Variants in COL24A1 observed in about 807,000 individuals in gnomAD.
COL24A1 encodes collagen type XXIV alpha 1 chain.
COL24A1 carries 224 observed loss-of-function variants against 253.9 expected under a neutral mutation model. The ratio of observed to expected loss-of-function variants is 0.88; its 90% CI spans 0.79 to 0.99. The LOEUF (loss-of-function observed/expected upper bound fraction) is 0.99. Among genes scored for constraint, COL24A1 ranks in the 50% least tolerant of loss-of-function variants. The probability of loss-of-function intolerance (pLI) is 0.00; values close to 1 mark genes in which losing one functional copy is unlikely to be tolerated. For missense variants in COL24A1, 2,131 were observed against 2,068.5 expected, an observed-to-expected ratio of 1.03 and a Z score of -0.59; for synonymous variants, 685 against 673.7, an observed-to-expected ratio of 1.02 and a Z score of -0.26.
At chr1:85,876,302 T>G (rs12739620) in intron 33 of COL24A1, among the ~76,000 whole-genome samples, 32,095 of 151,200 alleles carry the variant, frequency 0.21, 3,743 homozygotes, top group Non-Finnish European at 0.24. Context: ...TTTGAGAGGA[T>G]TAGGTAGAAG....
At chr1:86,008,922 A>C (rs1696237366) in intron 19 of COL24A1, among the ~76,000 whole-genome samples, 2 of 152,084 alleles carry the variant, frequency 1.3e-5, no homozygotes, top group Non-Finnish European at 2.9e-5. Flanking sequence ...TTAAGAAAAA[A>C]ATTTAACAAA....
At chr1:86,018,764 A>C (rs1237147974) in intron 18 of COL24A1, among the ~76,000 whole-genome samples, 2 of 152,208 alleles carry the variant, frequency 1.3e-5, no homozygotes, top group Non-Finnish European at 2.9e-5. Flanking sequence ...TACAAATGAC[A>C]AAAATCCCTA....
intron 20 of COL24A1, among the ~76,000 whole-genome samples, chr1:85,986,614 A>T (rs1339056065): frequency 6.6e-6 from 1 of 151,908 alleles, no homozygotes; most frequent in African/African-American, 2.4e-5. Flanking sequence ...TAACTTAATC[A>T]TCTGTAAAAT....
At chr1:86,091,793 T>G (rs1205469407) in intron 6 of COL24A1, among the ~76,000 whole-genome samples, 2 of 152,150 alleles carry the variant, frequency 1.3e-5, no homozygotes, top group African/African-American at 4.8e-5. Flanking sequence ...TCAGTTAAAA[T>G]CTATGAATTC....
At chr1:85,814,520 C>T (rs993484735) in intron 47 of COL24A1, among the ~76,000 whole-genome samples, 4 of 152,150 alleles carry the variant, frequency 2.6e-5, no homozygotes, top group African/African-American at 9.7e-5. Flanking sequence ...TAATCAGTGC[C>T]ACATTGCAAT....
chr1:85,812,342 T>C (rs1344443606), intron 47 of COL24A1, among the ~76,000 whole-genome samples: 3 of 152,172 alleles, frequency 2.0e-5, no homozygotes, highest in African/African-American at 4.8e-5. Flanking sequence ...CTTTACCAGT[T>C]AATGGAGGAG....
At chr1:85,830,874 A>G (rs188763579) in intron 43 of COL24A1, among the ~76,000 whole-genome samples, 3,237 of 152,116 alleles carry the variant, frequency 0.021, 126 homozygotes, top group African/African-American at 0.074. Flanking sequence ...TGCAGAAATC[A>G]CCTGTCTTCT....
chr1:86,106,471 C>CT (rs34747466), intron 5 of COL24A1, among the ~76,000 whole-genome samples: 18 of 152,060 alleles, frequency 1.2e-4, no homozygotes, highest in African/African-American at 3.9e-4. Context: ...TCCAAGAGGC[C>CT]TTTTTTTGGA....
At chr1:86,097,481 C>T (rs1484569979) in intron 5 of COL24A1, among the ~76,000 whole-genome samples, 1 of 26,248 alleles carries the variant, frequency 3.8e-5, no homozygotes, top group East Asian at 8.6e-4. Context: ...CTCCTCCCTC[C>T]TCCTCCTCCC....
In COL24A1 at chr1:86,085,723, A is replaced by G. The variant is rs557104388; in HGVS notation, c.1707+3451T>C. On this transcript the variant is annotated intron_variant, in intron 7 of 59. Coordinates refer to ENST00000370571, the MANE Select transcript of COL24A1 (RefSeq NM_152890.7). ...GCAAAAATTCAGACACTCAGTAAGA[A>G]CTAAAAATATACTTCAGTTCCTAGT... 8.5e-4 allele frequency among the ~76,000 whole-genome samples: 129 copies of G among 152,354 alleles called. 2 individuals carry two copies. The highest frequency in any genetic ancestry group is 3.0e-3 in the African/African-American group (124 of 41,584).
intron 2 of COL24A1, among the ~76,000 whole-genome samples, chr1:86,134,346 C>A (rs1187182725): frequency 1.3e-5 from 2 of 151,784 alleles, no homozygotes; most frequent in Non-Finnish European, 2.9e-5. Context: ...GTCTCCATTT[C>A]CTTCAGTTCT....
intron 31 of COL24A1, among the ~76,000 whole-genome samples, chr1:85,893,679 T>A (rs1683367130): frequency 6.6e-6 from 1 of 152,224 alleles, no homozygotes; most frequent in African/African-American, 2.4e-5. Flanking sequence ...TTACTAGTTA[T>A]CTGGATTACC....
At chr1:85,950,363 C>T (rs1689771195) in intron 24 of COL24A1, among the ~76,000 whole-genome samples, 4 of 152,076 alleles carry the variant, frequency 2.6e-5, no homozygotes, top group Admixed American at 2.6e-4. Context: ...ATAAAAGTAA[C>T]TCACTGAAAG....
chr1:85,901,702 C>T (rs776667430), intron 28 of COL24A1, among the ~76,000 whole-genome samples: 1 of 151,436 alleles, frequency 6.6e-6, no homozygotes, highest in Non-Finnish European at 1.5e-5. Flanking sequence ...ATCCCAGCTA[C>T]TCAGGAGTCT....
In COL24A1 at chr1:85,842,112, C is replaced by T; in HGVS notation, c.3526G>A (p.Gly1176Ser). ...PGIPGYRGHQ[G>S]QPGPSGLPGP... ...GGCAATCCAGAGGGTCCTGGTTGGC[C>T]CTGATGGCCCTACGAAAGGACAAGT... Residue 1176 changes from glycine (G) to serine (S), a missense_variant, in exon 41 of 60, where the codon GGC becomes AGC. By Grantham distance (56) the Gly-to-Ser change is moderately conservative. Transcript: ENST00000370571. The T allele has an allele frequency of 1.2e-6, 2 of 1,613,608 alleles. No homozygotes were observed. Among genetic ancestry groups the T allele is most frequent in the Non-Finnish European group, 1.7e-6 (2 of 1,179,696 alleles).
intron 43 of COL24A1, among the ~76,000 whole-genome samples, chr1:85,831,111 T>G (rs948668226): frequency 2.6e-5 from 4 of 152,192 alleles, no homozygotes; most frequent in South Asian, 4.1e-4. Context: ...AGCTTCTATA[T>G]AGCCCATGAC....
chr1:86,123,664 A>G (rs192989476), intron 3 of COL24A1, among the ~76,000 whole-genome samples: 13 of 152,176 alleles, frequency 8.5e-5, no homozygotes, highest in Non-Finnish European at 1.3e-4. Flanking sequence ...AATGGCTTCC[A>G]TAACTATTTG....
Position 86,153,309 on chromosome 1 carries a change from C to A in COL24A1, c.56+3032G>T, listed in dbSNP as rs1653027812. On this transcript the variant is annotated intron_variant, in intron 1 of 59. Transcript: ENST00000370571. Reference sequence around the variant, plus strand: ...TTCATTTGCTATTTCCTTTATTAGACTGGAGAGCAGCAACTGTGGATCTGT... The same window carrying A: ...TTCATTTGCTATTTCCTTTATTAGAATGGAGAGCAGCAACTGTGGATCTGT... 2.7e-5 allele frequency among the ~76,000 whole-genome samples: 4 copies of A among 146,452 alleles called. No individual in the cohort carries two copies. In the South Asian group the frequency reaches 9.1e-4, roughly 33 times the overall value.
chr1:85,789,640 G>T (rs190325784), intron 47 of COL24A1, among the ~76,000 whole-genome samples: 1 of 152,076 alleles, frequency 6.6e-6, no homozygotes, highest in Non-Finnish European at 1.5e-5. Context: ...GTTTTCAAGG[G>T]GAATGCTTCC....
Sources: allele counts gnomAD v4.1 joint callset (sites outside exome capture counted in the v4.1 genomes callset), GRCh38; gene constraint gnomAD v4.1.1; transcripts MANE v1.5; gene names NCBI Gene and HGNC (gene_info 2026-07-23, HGNC 2026-07-21).